Variants in RXFP1 observed in about 807,000 individuals in gnomAD.
The protein encoded by RXFP1 is relaxin receptor 1.
Under a neutral mutation model 89.8 loss-of-function variants are expected in RXFP1, and 73 were observed. That is an observed-to-expected ratio of 0.81 (90% CI 0.67 to 0.99). The LOEUF is 0.99. RXFP1 is among the 50% of genes least tolerant of loss of function. The pLI, the probability that RXFP1 is intolerant of heterozygous loss-of-function variation, is 0.00. For synonymous variants in RXFP1, 277 were observed against 305.5 expected (o/e 0.91, Z 0.97); for missense variants, 793 against 895.5 (o/e 0.89, Z 1.46).
chr4:158,544,866 A>G (rs1430826543), intron 1 of RXFP1, among the ~76,000 whole-genome samples: 2 of 152,288 alleles, frequency 1.3e-5, no homozygotes, highest in South Asian at 2.1e-4. Flanking sequence ...ATTTGGGTTG[A>G]TTCCAAGTCC....
intron 3 of RXFP1, among the ~76,000 whole-genome samples, chr4:158,597,385 T>C (rs1358980553): frequency 1.3e-5 from 2 of 152,222 alleles, no homozygotes; most frequent in Non-Finnish European, 2.9e-5. Flanking sequence ...AAGAATTACT[T>C]ACTTAACCAT....
At chr4:158,529,240 G>GTTTTTT (rs60839416) in intron 1 of RXFP1, among the ~76,000 whole-genome samples, 2 of 134,024 alleles carry the variant, frequency 1.5e-5, no homozygotes, top group Non-Finnish European at 3.0e-5. Context: ...TTGCTTGCTT[G>GTTTTTT]TTTTTTGTTG....
intron 5 of RXFP1, among the ~76,000 whole-genome samples, chr4:158,605,560 T>C (rs1406132639): frequency 6.6e-6 from 1 of 152,244 alleles, no homozygotes; most frequent in Non-Finnish European, 1.5e-5. Flanking sequence ...ATTATCCACC[T>C]AAAATAGCAA....
At chr4:158,590,772 C>A (rs1271271106) in intron 2 of RXFP1, among the ~76,000 whole-genome samples, 1 of 152,134 alleles carries the variant, frequency 6.6e-6, no homozygotes, top group Non-Finnish European at 1.5e-5. Flanking sequence ...TTATCTGTAA[C>A]CCCTTCTGGA....
intron 5 of RXFP1, among the ~76,000 whole-genome samples, chr4:158,605,599 G>C (rs1762422127): frequency 6.6e-6 from 1 of 152,168 alleles, no homozygotes; most frequent in Non-Finnish European, 1.5e-5. Flanking sequence ...CTCTGAGCAT[G>C]TTGTCTTGGA....
chr4:158,631,380 A>C (rs1300491898), intron 11 of RXFP1, among the ~76,000 whole-genome samples: 1 of 152,214 alleles, frequency 6.6e-6, no homozygotes, highest in African/African-American at 2.4e-5. Context: ...CTAACTGGGG[A>C]TGGAGAAAAC....
intron 4 of RXFP1, among the ~76,000 whole-genome samples, chr4:158,600,980 A>C (rs1208550898): frequency 6.6e-5 from 10 of 152,180 alleles, no homozygotes; most frequent in Admixed American, 6.5e-4. Flanking sequence ...GTAAGATTTG[A>C]ATCCATTCTT....
At chr4:158,542,094 TATATATATATA>T (rs1560973147) in intron 1 of RXFP1, among the ~76,000 whole-genome samples, 15 of 40,030 alleles carry the variant, frequency 3.7e-4, no homozygotes, top group East Asian at 2.8e-3. Flanking sequence ...TATATATATA[TATATATATATA>T]TATATTTTTT....
Position 158,647,092 on chromosome 4 carries a change from T to C in RXFP1, c.1647T>C (p.Asn549=). 1.2e-6 allele frequency: 2 copies of C among 1,614,094 alleles called. No individual in the cohort carries two copies. The highest frequency in any genetic ancestry group is 1.7e-6 in the Non-Finnish European group (2 of 1,179,984). The change falls in exon 16 of 18, where the codon AAT becomes AAC. Residue 549 remains asparagine (N), a synonymous_variant. Transcript: ENST00000307765. ...GFIVAFIPLS[N]KEFFKNYYGT... ...TAGTGGCTTTCATTCCATTGAGCAA[T>C]AAGGAATTTTTCAAAAACTACTATG... is the stretch of plus-strand genomic sequence containing the variant.
intron 9 of RXFP1, among the ~76,000 whole-genome samples, chr4:158,621,961 G>C (rs1765705832): frequency 6.6e-6 from 1 of 152,212 alleles, no homozygotes; most frequent in Non-Finnish European, 1.5e-5. Context: ...GTGCACTGTG[G>C]ATGAGAATGT....
intron 1 of RXFP1, among the ~76,000 whole-genome samples, chr4:158,538,549 C>T (rs1212022006): frequency 1.3e-5 from 2 of 152,158 alleles, no homozygotes; most frequent in African/African-American, 4.8e-5. Flanking sequence ...CACAGTGGCT[C>T]ACGCCTGTAA....
chr4:158,541,601 A>G (rs999915955), intron 1 of RXFP1, among the ~76,000 whole-genome samples: 6 of 152,182 alleles, frequency 3.9e-5, no homozygotes, highest in Admixed American at 1.3e-4. Flanking sequence ...CAAAAGTAGT[A>G]TAATCATACC....
At chr4:158,600,826 CAA>C (rs35888310) in intron 4 of RXFP1, among the ~76,000 whole-genome samples, 2 of 115,120 alleles carry the variant, frequency 1.7e-5, no homozygotes, top group Non-Finnish European at 1.7e-5. Context: ...GACCCTGCCT[CAA>C]AAAAAAAAAA....
At chr4:158,646,422 A>T in intron 15 of RXFP1, 1 of 1,137,244 alleles carries the variant, frequency 8.8e-7, no homozygotes, top group Non-Finnish European at 1.2e-6. Flanking sequence ...AGAACCAAGT[A>T]ATGCCATCCT....
chr4:158,539,082 C>G (rs1199523083), intron 1 of RXFP1, among the ~76,000 whole-genome samples: 1 of 152,194 alleles, frequency 6.6e-6, no homozygotes. Flanking sequence ...TTAGCAACCA[C>G]CTCCCATCAT....
intron 6 of RXFP1, among the ~76,000 whole-genome samples, chr4:158,611,906 T>C (rs1763653897): frequency 1.3e-5 from 2 of 152,204 alleles, no homozygotes; most frequent in South Asian, 4.1e-4. Context: ...GGTTAATGAA[T>C]ACATGAATAG....
Position 158,639,325 on chromosome 4 carries a change from C to G in RXFP1, c.1109C>G (p.Ser370Cys), listed in dbSNP as rs1161444337. Residue 370 changes from serine to cysteine, a missense_variant, in exon 14 of 18, where the codon TCT becomes TGT. By Grantham distance (112) the Ser-to-Cys change is moderately radical. Transcript: ENST00000307765. ...ATGTTTAGACCTCTTATGAATCTCT[C>G]TCACATGTAAGTAGATATTTTATTG... The part of the protein sequence containing the change: ...QRMFRPLMNL[S>C]HIYFKKFQYC... The G allele has an allele frequency of 6.6e-7, 1 of 1,511,642 alleles. No individual in the cohort carries two copies. Among genetic ancestry groups the G allele is most frequent in the Admixed American group, 1.7e-5 (1 of 59,824 alleles). The allele number at this position is 1,511,642 out of a possible 1,614,324, so 93.6% of individuals were successfully genotyped here.
chr4:158,543,940 C>A (rs1489685525), intron 1 of RXFP1: 1 of 985,216 alleles, frequency 1.0e-6, no homozygotes. Flanking sequence ...TAGTATCTGC[C>A]TCTGAGGATT....
rs763264635 is a variant in RXFP1, at chr4:158,652,053, T to C, written c.2272T>C (p.Ter758ArgextTer23). 1 of 1,602,450 alleles carries C rather than the reference T, an allele frequency of 6.2e-7. No individual in the cohort carries two copies. The highest frequency in any genetic ancestry group is 1.1e-5 in the South Asian group (1 of 89,852). ...ATCAACGAGACTCAATTCCTATTCA[T>C]GACTGACTCTGAAATTCATTTCTTC... Reference protein sequence around the residue: ...SQSTRLNSYS* With the variant: ...SQSTRLNSYSR Residue 758 changes from the stop codon to arginine (R), a stop_lost, in exon 18 of 18, where the codon TGA becomes CGA. Coordinates refer to ENST00000307765, the MANE Select transcript of RXFP1 (RefSeq NM_021634.4).
Sources: gnomAD v4.1 joint callset for allele counts (sites outside exome capture counted in the v4.1 genomes callset) on GRCh38, gnomAD v4.1.1 for gene constraint, MANE v1.5 for transcripts, NCBI Gene and HGNC (gene_info 2026-07-23, HGNC 2026-07-21) for gene names.